Variants in TENM2 observed in about 807,000 individuals in gnomAD.
The protein encoded by TENM2 is teneurin-2.
Under a neutral mutation model 245.2 loss-of-function variants are expected in TENM2, and 52 were observed. That is an observed-to-expected ratio of 0.21 (90% confidence interval 0.17 to 0.27). The LOEUF is 0.27. TENM2 is among the 10% of genes least tolerant of loss of function. TENM2 has a pLI of 1.00. For missense variants in TENM2, 3,046 were observed against 3,666.8 expected (o/e 0.83, Z 4.37); for synonymous variants, 1,363 against 1,438.9 (o/e 0.95, Z 1.19).
chr5:167,691,479 G>A (rs772598178), intron 2 of TENM2, among the ~76,000 whole-genome samples: 1 of 152,186 alleles, frequency 6.6e-6, no homozygotes, highest in Non-Finnish European at 1.5e-5. Context: ...CCACCAGCAG[G>A]TGTTTACCCA....
At position 167,638,117 on chromosome 5, in the gene TENM2, G is replaced by A. The variant is rs868088994; in HGVS notation, c.503-237869G>A. On this transcript the variant is annotated intron_variant, in intron 2 of 28. Coordinates refer to ENST00000518659, the Ensembl canonical transcript of TENM2. ...TGTGTGTGTGTGTGTGTGTGTGTGT[G>A]TGTGTGTGTGTGTGTGTGTGTGTGT... 8.1e-3 allele frequency among the ~76,000 whole-genome samples: 1,213 copies of A among 150,122 alleles called. 9 individuals are homozygous for A. The highest frequency in any genetic ancestry group is 0.031 in the Middle Eastern group (9 of 294).
rs1273440564 is a variant in TENM2 at position 167,541,400 on chromosome 5, A to G, written c.502+165927A>G. Among the ~76,000 whole-genome samples the G allele has an allele frequency of 2.6e-5, 4 of 152,184 alleles. No individual in the cohort carries two copies. In the East Asian group the frequency reaches 5.8e-4, roughly 22 times the overall value. On this transcript the variant is annotated intron_variant, in intron 2 of 28. Transcript: ENST00000518659. ...AAATGCCACGGGGAGTCTGTAGTTT[A>G]TAAGTAAAAAAGAAAATTTTAGAGG...
chr5:166,979,519 T>C, the TENM2 span, among the ~76,000 whole-genome samples: 3 of 152,184 alleles, frequency 2.0e-5, no homozygotes, highest in African/African-American at 7.2e-5. Flanking sequence ...CTGACCGAGC[T>C]GCTGGTAAAT....
chr5:167,503,046 C>G (rs746664336), intron 2 of TENM2, among the ~76,000 whole-genome samples: 2 of 152,080 alleles, frequency 1.3e-5, no homozygotes, highest in African/African-American at 2.4e-5. Context: ...AGGCTGGTCT[C>G]AAACTCTTGA....
At chr5:168,253,882 T>C (rs1767394570) in intron 27 of TENM2, among the ~76,000 whole-genome samples, 1 of 152,250 alleles carries the variant, frequency 6.6e-6, no homozygotes, top group Non-Finnish European at 1.5e-5. Flanking sequence ...ATGGCATTGC[T>C]TTAGCAAAGC....
intron 2 of TENM2, among the ~76,000 whole-genome samples, chr5:167,863,428 A>C (rs1007392693): frequency 1.3e-5 from 2 of 150,978 alleles, no homozygotes; most frequent in African/African-American, 4.9e-5. Context: ...CAGTCTGGCC[A>C]ACATGGTGAA....
the TENM2 span, among the ~76,000 whole-genome samples, chr5:166,998,632 A>T: frequency 6.6e-6 from 1 of 152,196 alleles, no homozygotes; most frequent in African/African-American, 2.4e-5. Context: ...ACATTGCTAG[A>T]AGCTGGAGGA....
intron 9 of TENM2, among the ~76,000 whole-genome samples, chr5:168,115,602 A>G (rs938028135): frequency 6.6e-6 from 1 of 152,114 alleles, no homozygotes; most frequent in Non-Finnish European, 1.5e-5. Context: ...CATCCAATCT[A>G]TAACCCTTAG....
the TENM2 span, among the ~76,000 whole-genome samples, chr5:167,087,116 AC>A: frequency 6.6e-6 from 1 of 152,206 alleles, no homozygotes; most frequent in South Asian, 2.1e-4. Flanking sequence ...CTCAATGCCT[AC>A]CTTTCACCCT....
chr5:167,525,995 A>T (rs1771082285), intron 2 of TENM2, among the ~76,000 whole-genome samples: 1 of 152,072 alleles, frequency 6.6e-6, no homozygotes, highest in African/African-American at 2.4e-5. Context: ...CTAGATAGCA[A>T]ATGTCTTTTT....
the TENM2 span, among the ~76,000 whole-genome samples, chr5:167,259,755 C>A: frequency 1.3e-5 from 2 of 151,938 alleles, no homozygotes; most frequent in Non-Finnish European, 2.9e-5. Context: ...TATCCCCAGG[C>A]CCCTAAGATG....
At chr5:167,098,760 TAGAC>T in the TENM2 span, among the ~76,000 whole-genome samples, 2 of 152,182 alleles carry the variant, frequency 1.3e-5, no homozygotes, top group Admixed American at 1.3e-4. Flanking sequence ...ATTCAATCAA[TAGAC>T]AGAAACCAAA....
At chr5:167,233,135 T>G in the TENM2 span, among the ~76,000 whole-genome samples, 1 of 152,148 alleles carries the variant, frequency 6.6e-6, no homozygotes. Flanking sequence ...TACTATGAGC[T>G]CTGGGGTTGG....
At chr5:168,243,176 G>A (rs1392628984) in intron 25 of TENM2, among the ~76,000 whole-genome samples, 1 of 152,128 alleles carries the variant, frequency 6.6e-6, no homozygotes, top group Non-Finnish European at 1.5e-5. Flanking sequence ...GCTGAGTCTG[G>A]TTCATTTCAT....
intron 2 of TENM2, among the ~76,000 whole-genome samples, chr5:167,613,881 A>G (rs1777623048): frequency 6.6e-6 from 1 of 151,690 alleles, no homozygotes; most frequent in Non-Finnish European, 1.5e-5. Flanking sequence ...AGAAATGACT[A>G]ATTTTAAAAT....
the TENM2 span, among the ~76,000 whole-genome samples, chr5:167,230,155 G>A: frequency 3.3e-5 from 5 of 152,158 alleles, no homozygotes; most frequent in Non-Finnish European, 5.9e-5. Context: ...GACCCAGCAT[G>A]AGTTCTCTCT....
chr5:168,228,881 G>A (rs1396950015), intron 25 of TENM2, among the ~76,000 whole-genome samples: 2 of 147,174 alleles, frequency 1.4e-5, no homozygotes, highest in Non-Finnish European at 3.0e-5. Context: ...ATTATATAAT[G>A]TAATTTTATA....
intron 12 of TENM2, among the ~76,000 whole-genome samples, chr5:168,141,455 C>T (rs923659612): frequency 9.2e-5 from 14 of 152,338 alleles, no homozygotes; most frequent in Admixed American, 4.6e-4. Context: ...CAAAGGCTGA[C>T]ATATCTACCA....
At chr5:167,968,158 T>C (rs571249205) in intron 4 of TENM2, among the ~76,000 whole-genome samples, 3 of 152,332 alleles carry the variant, frequency 2.0e-5, no homozygotes, top group Admixed American at 6.5e-5. Context: ...TTAGATTTTA[T>C]GGGAATGTTT....
Sources: gnomAD v4.1 joint callset for allele counts (sites outside exome capture counted in the v4.1 genomes callset) on GRCh38, gnomAD v4.1.1 for gene constraint, MANE v1.5 for transcripts, NCBI Gene and HGNC (gene_info 2026-07-23, HGNC 2026-07-21) for gene names.